Variants in CBFA2T2 observed in about 807,000 individuals in gnomAD.
CBFA2T2 encodes CBFA2/RUNX1 partner transcriptional co-repressor 2.
A neutral mutation model predicts 62.2 loss-of-function variants in CBFA2T2; 11 were observed. The observed-to-expected ratio is 0.18, with a 90% confidence interval of 0.11 to 0.29. CBFA2T2 has a LOEUF of 0.29. Among genes scored for constraint, CBFA2T2 ranks in the 10% least tolerant of loss-of-function variants. The pLI is 1.00. For missense variants in CBFA2T2, 592 were observed against 774.1 expected, an observed-to-expected ratio of 0.76 and a Z score of 2.79; for synonymous variants, 295 against 287.5, an observed-to-expected ratio of 1.03 and a Z score of -0.27.
intron 5 of CBFA2T2, among the ~76,000 whole-genome samples, chr20:33,624,236 TAAAAAAAAA>T (rs373462820): frequency 2.9e-5 from 2 of 70,032 alleles, no homozygotes; most frequent in African/African-American, 8.7e-5. Flanking sequence ...TTTTTAAAAG[TAAAAAAAAA>T]AAAAAAAAAA....
chr20:33,582,857 A>G (rs1187116713), intron 1 of CBFA2T2, among the ~76,000 whole-genome samples: 1 of 152,026 alleles, frequency 6.6e-6, no homozygotes, highest in Admixed American at 6.6e-5. Context: ...CAGGAGAATC[A>G]CTTGAACCCA....
chr20:33,499,059 A>T lies in CBFA2T2; in HGVS notation c.34+8758A>T, dbSNP rs145145891. Among the ~76,000 whole-genome samples the T allele has an allele frequency of 5.1e-3, 770 of 152,138 alleles. 7 individuals are homozygous for T. Among genetic ancestry groups the T allele is most frequent in the African/African-American group, 0.017 (726 of 41,498 alleles). ...ACTCCGTCTAAAAAGAAAAAAAAAAAAAATAAGCAGAGAGATTGAGTTTAA... is the reference window on the plus strand; with the variant it reads ...ACTCCGTCTAAAAAGAAAAAAAAAATAAATAAGCAGAGAGATTGAGTTTAA... On this transcript the variant is annotated intron_variant, in intron 1 of 10. Coordinates refer to ENST00000342704, the MANE Select transcript of CBFA2T2 (RefSeq NM_001032999.3).
intron 3 of CBFA2T2, among the ~76,000 whole-genome samples, chr20:33,616,498 G>C (rs2015718108): frequency 6.6e-6 from 1 of 152,114 alleles, no homozygotes; most frequent in African/African-American, 2.4e-5. Flanking sequence ...AAGCCAAGTT[G>C]GAAGGATCAC....
In CBFA2T2 at chr20:33,625,116, A is replaced by G; in HGVS notation, c.946+99A>G. 14 of 1,206,854 alleles carry G rather than the reference A, an allele frequency of 1.2e-5. No homozygotes were observed. The South Asian group carries it at 1.8e-4, about 15-fold the overall frequency. 74.8% of individuals were successfully genotyped at this position (1,206,854 alleles called of 1,614,324 possible). A position where few individuals can be genotyped will look rare whatever the true frequency, so the allele number is the denominator to read the frequency against. Reference sequence around the variant, plus strand: ...ATAATATGATTGCTTTTTCCCACTGATTGGATAAAACAATATTATACATAG... The same window carrying G: ...ATAATATGATTGCTTTTTCCCACTGGTTGGATAAAACAATATTATACATAG... On this transcript the variant is annotated intron_variant, in intron 6 of 10. Transcript: ENST00000342704.
rs140619490 is a variant in CBFA2T2, at chr20:33,576,274, C to G, written c.35-30682C>G. On this transcript the variant is annotated intron_variant, in intron 1 of 10. Coordinates refer to ENST00000342704, the MANE Select transcript of CBFA2T2 (RefSeq NM_001032999.3). ...AACCTGTTTTATAGGCTTTCTGCCT[C>G]CTTAATATCTAGCAGAGGTCTCATC... is the stretch of plus-strand genomic sequence containing the variant. Among the ~76,000 whole-genome samples the G allele has an allele frequency of 3.5e-4, 53 of 152,226 alleles. No homozygotes were observed. In the East Asian group the frequency reaches 9.3e-3, roughly 27 times the overall value.
At chr20:33,554,519 G>A (rs2146887310) in intron 1 of CBFA2T2, among the ~76,000 whole-genome samples, 1 of 150,654 alleles carries the variant, frequency 6.6e-6, no homozygotes, top group African/African-American at 2.4e-5. Context: ...AAATTGCTGG[G>A]GTTACAGGGG....
chr20:33,641,170 C>CT (rs1359787977), intron 10 of CBFA2T2, among the ~76,000 whole-genome samples: 3 of 152,032 alleles, frequency 2.0e-5, no homozygotes, highest in African/African-American at 7.2e-5. Context: ...GCAGCTGGGA[C>CT]TACAGGTGCC....
chr20:33,638,839 T>C (rs1012250845), intron 9 of CBFA2T2: 2 of 152,214 alleles, frequency 1.3e-5, no homozygotes, highest in African/African-American at 4.8e-5. Flanking sequence ...AAGCAGGGCA[T>C]TGGTGATGGG....
chr20:33,611,036 A>AAC, intron 2 of CBFA2T2, 58 bp from the exon 3 acceptor site: 1 of 1,595,404 alleles, frequency 6.3e-7, no homozygotes, highest in Admixed American at 1.7e-5. Flanking sequence ...AGAAAAAATG[A>AAC]ACAAAGGTTC....
intron 1 of CBFA2T2, among the ~76,000 whole-genome samples, chr20:33,554,727 T>C (rs1314716878): frequency 2.0e-5 from 3 of 151,634 alleles, no homozygotes; most frequent in African/African-American, 7.3e-5. Flanking sequence ...CCTGGCTGTT[T>C]TTCTTTTTTA....
At chr20:33,523,349 G>A (rs1388851292) in intron 1 of CBFA2T2, among the ~76,000 whole-genome samples, 1 of 150,196 alleles carries the variant, frequency 6.7e-6, no homozygotes, top group African/African-American at 2.5e-5. Flanking sequence ...GTGCAATCTT[G>A]GCTCACTGCA....
chr20:33,514,781 C>G (rs2011572030), intron 1 of CBFA2T2, among the ~76,000 whole-genome samples: 1 of 151,880 alleles, frequency 6.6e-6, no homozygotes. Flanking sequence ...ACTGCAACCT[C>G]CGCCTCCTAG....
chr20:33,590,457 G>A (rs1337202978), intron 1 of CBFA2T2, among the ~76,000 whole-genome samples: 1 of 151,992 alleles, frequency 6.6e-6, no homozygotes, highest in Non-Finnish European at 1.5e-5. Context: ...CAAAGGCTAT[G>A]CGCATGCCCC....
At chr20:33,609,693 A>G (rs1461024006) in intron 2 of CBFA2T2, among the ~76,000 whole-genome samples, 1 of 152,216 alleles carries the variant, frequency 6.6e-6, no homozygotes, top group Non-Finnish European at 1.5e-5. Flanking sequence ...CAGTGTAAGA[A>G]GAGGGAACAG....
At chr20:33,621,748 A>G (rs1054113177) in intron 4 of CBFA2T2, among the ~76,000 whole-genome samples, 4 of 152,340 alleles carry the variant, frequency 2.6e-5, no homozygotes, top group East Asian at 1.9e-4. Flanking sequence ...TACTAATACC[A>G]GTTTTTTAAA....
chr20:33,544,945 C>CAGAATAGAATAGAAT (rs765681667), intron 1 of CBFA2T2, among the ~76,000 whole-genome samples: 1,527 of 130,952 alleles, frequency 0.012, 25 homozygotes, highest in African/African-American at 0.018. Context: ...TAGAATAGAA[C>CAGAATAGAATAGAAT]AGAATAGAAT....
At chr20:33,642,113 TTTTTGTGTGTGTG>T (rs761786543) in intron 10 of CBFA2T2, among the ~76,000 whole-genome samples, 4 of 41,282 alleles carry the variant, frequency 9.7e-5, no homozygotes, top group Non-Finnish European at 1.3e-4. Context: ...GTCTTTTTTT[TTTTTGTGTGTGTG>T]TGTGTGTGTG....
rs1160340078 is a variant in CBFA2T2 at position 33,648,186 on chromosome 20, GGTGGTACA to G, written c.*3542_*3549del. 6.6e-6 allele frequency: 1 copy of G among 152,230 alleles called. No individual in the cohort carries two copies. Among genetic ancestry groups the G allele is most frequent in the Non-Finnish European group, 1.5e-5 (1 of 68,076 alleles). 9.4% of individuals were successfully genotyped at this position (152,230 alleles called of 1,614,324 possible). A position where few individuals can be genotyped will look rare whatever the true frequency, so the allele number is the denominator to read the frequency against. On this transcript the variant is annotated 3_prime_UTR_variant, in exon 11 of 11. Transcript: ENST00000342704. ...ATAAAAGGCAAAGAGGAGCTGGCAT[GGTGGTACA>G]GAAGGTATCAGTCAAGCGCAGGCTC...
chr20:33,617,595 T>C (rs566319895), intron 3 of CBFA2T2, among the ~76,000 whole-genome samples: 6 of 152,182 alleles, frequency 3.9e-5, no homozygotes, highest in African/African-American at 7.2e-5. Context: ...TTCCATACAT[T>C]TAATCTATTT....
Sources: allele counts gnomAD v4.1 joint callset (sites outside exome capture counted in the v4.1 genomes callset), GRCh38; gene constraint gnomAD v4.1.1; transcripts MANE v1.5; gene names NCBI Gene and HGNC (gene_info 2026-07-23, HGNC 2026-07-21).